SGCG: variants seen among roughly 807,000 people sequenced by gnomAD.
SGCG encodes sarcoglycan gamma.
In SGCG, 26 loss-of-function variants were observed where a neutral mutation model predicts 29.3. The observed-to-expected ratio is 0.89, with a 90% confidence interval of 0.65 to 1.23. SGCG has a LOEUF of 1.23. SGCG is among the 50% of genes most tolerant of loss of function. SGCG has a pLI of 0.00. For synonymous variants in SGCG, 145 were observed against 129.7 expected, an observed-to-expected ratio of 1.12 and a Z score of -0.80; for missense variants, 353 against 356.0, an observed-to-expected ratio of 0.99 and a Z score of 0.07.
intron 2 of SGCG, among the ~76,000 whole-genome samples, chr13:23,231,251 T>A (rs891373985): frequency 6.6e-6 from 1 of 152,176 alleles, no homozygotes; most frequent in African/African-American, 2.4e-5. Flanking sequence ...AGTTTTCTTT[T>A]TTGTTGTGTC....
chr13:23,197,569 A>G (rs1356374835), intron 1 of SGCG, among the ~76,000 whole-genome samples: 1 of 152,218 alleles, frequency 6.6e-6, no homozygotes, highest in Admixed American at 6.5e-5. Context: ...ATCTCCCATG[A>G]AGATTAGAAA....
chr13:23,304,969 T>A (rs79489059), intron 6 of SGCG, among the ~76,000 whole-genome samples: 3 of 116,608 alleles, frequency 2.6e-5, no homozygotes, highest in Admixed American at 1.8e-4. Flanking sequence ...GCTCACAGGC[T>A]TGCACGTGCT....
chr13:23,242,614 C>G (rs1482519336), intron 3 of SGCG, among the ~76,000 whole-genome samples: 1 of 152,252 alleles, frequency 6.6e-6, no homozygotes, highest in Admixed American at 6.5e-5. Context: ...AAAATGTTCT[C>G]CTTATACCTT....
intron 3 of SGCG, among the ~76,000 whole-genome samples, chr13:23,248,846 G>A (rs1333913499): frequency 6.6e-6 from 1 of 151,326 alleles, no homozygotes; most frequent in Non-Finnish European, 1.5e-5. Context: ...CCAAAAATTA[G>A]GGGGCGTGGT....
intron 2 of SGCG, among the ~76,000 whole-genome samples, chr13:23,210,598 A>G (rs1301536938): frequency 2.0e-5 from 3 of 152,064 alleles, no homozygotes; most frequent in African/African-American, 4.8e-5. Context: ...GGCTGAAGCA[A>G]GAGAATGCGG....
intron 4 of SGCG, among the ~76,000 whole-genome samples, chr13:23,264,737 CA>C (rs1880574310): frequency 1.3e-5 from 2 of 152,104 alleles, no homozygotes; most frequent in South Asian, 4.1e-4. Flanking sequence ...ATACATAGAT[CA>C]ATGGATCAGA....
At chr13:23,312,493 A>C (rs1882639960) in intron 6 of SGCG, among the ~76,000 whole-genome samples, 1 of 152,250 alleles carries the variant, frequency 6.6e-6, no homozygotes, top group East Asian at 1.9e-4. Flanking sequence ...TAATAACTGT[A>C]CTTCTATAAG....
chr13:23,302,982 G>A lies in SGCG; in HGVS notation c.578+7495G>A, dbSNP rs550072932. 4.2e-4 allele frequency among the ~76,000 whole-genome samples: 64 copies of A among 152,252 alleles called. 1 individual carries two copies. Among genetic ancestry groups the A allele is most frequent in the African/African-American group, 1.5e-3 (62 of 41,556 alleles). ...AAAGTTATTTGTAATGACTATCGGCGACAATTCATTAGGTCTTTCTTCAAT... is the reference window on the plus strand; with the variant it reads ...AAAGTTATTTGTAATGACTATCGGCAACAATTCATTAGGTCTTTCTTCAAT... On this transcript the variant is annotated intron_variant, in intron 6 of 7. Transcript: ENST00000218867.
intron 6 of SGCG, among the ~76,000 whole-genome samples, chr13:23,316,836 G>A (rs1221755559): frequency 1.3e-5 from 2 of 152,194 alleles, no homozygotes; most frequent in Admixed American, 6.5e-5. Flanking sequence ...GACACTTTGG[G>A]CTCCTCCTAT....
chr13:23,206,074 C>T (rs1249171366), intron 2 of SGCG, among the ~76,000 whole-genome samples: 14 of 152,184 alleles, frequency 9.2e-5, no homozygotes, highest in Admixed American at 9.2e-4. Flanking sequence ...TGTTTTGAAA[C>T]AGTAAATTGT....
At chr13:23,299,511 G>A (rs1336330886) in intron 6 of SGCG, among the ~76,000 whole-genome samples, 1 of 134,020 alleles carries the variant, frequency 7.5e-6, no homozygotes, top group African/African-American at 2.8e-5. Context: ...GGGGTGCAGT[G>A]GCGCGATCTC....
intron 4 of SGCG, among the ~76,000 whole-genome samples, chr13:23,266,567 A>C (rs149198049): frequency 1.3e-5 from 2 of 152,240 alleles, no homozygotes; most frequent in African/African-American, 4.8e-5. Context: ...GAGGGTGAGA[A>C]GTGGGTGAGA....
At chr13:23,260,545 A>G (rs145822939) in intron 4 of SGCG, among the ~76,000 whole-genome samples, 4 of 152,280 alleles carry the variant, frequency 2.6e-5, no homozygotes, top group Admixed American at 1.3e-4. Flanking sequence ...GCCCATTTAC[A>G]TTTAAGATTA....
chr13:23,174,254 G>GGGACA, the SGCG span, among the ~76,000 whole-genome samples: 1 of 152,160 alleles, frequency 6.6e-6, no homozygotes, highest in African/African-American at 2.4e-5. Flanking sequence ...CCTGCAGATG[G>GGGACA]GGACAGGAAG....
At chr13:23,170,618 A>G in the SGCG span, 1 of 149,326 alleles carries the variant, frequency 6.7e-6, no homozygotes, top group Non-Finnish European at 1.5e-5. Flanking sequence ...CCCAGCCTCA[A>G]CGTTAATTGT....
the SGCG span, among the ~76,000 whole-genome samples, chr13:23,171,904 G>A: frequency 2.0e-5 from 3 of 152,180 alleles, no homozygotes; most frequent in Admixed American, 6.5e-5. Flanking sequence ...TGGGGGTTGG[G>A]AACCTCTGAT....
the SGCG span, among the ~76,000 whole-genome samples, chr13:23,166,800 G>A: frequency 6.6e-6 from 1 of 152,158 alleles, no homozygotes; most frequent in African/African-American, 2.4e-5. Flanking sequence ...CATAGTAGGT[G>A]TATATATTTA....
intron 2 of SGCG, among the ~76,000 whole-genome samples, chr13:23,233,806 G>A (rs1879198072): frequency 6.6e-6 from 1 of 152,214 alleles, no homozygotes; most frequent in Non-Finnish European, 1.5e-5. Flanking sequence ...GAACTTGAGG[G>A]AGCCGGTAGT....
At chr13:23,243,320 G>A (rs538054624) in intron 3 of SGCG, among the ~76,000 whole-genome samples, 1 of 152,286 alleles carries the variant, frequency 6.6e-6, no homozygotes, top group South Asian at 2.1e-4. Context: ...ACAGTTATGA[G>A]GCCACATCCA....
Sources: allele counts gnomAD v4.1 joint callset (sites outside exome capture counted in the v4.1 genomes callset), GRCh38; gene constraint gnomAD v4.1.1; transcripts MANE v1.5; gene names NCBI Gene and HGNC (gene_info 2026-07-23, HGNC 2026-07-21).